The following TG variants were observed in gnomAD, a reference collection of about 807,000 sequenced individuals.
TG encodes thyroid hormones.
Under a neutral mutation model 324.7 loss-of-function variants are expected in TG, and 270 were observed. The ratio of observed to expected loss-of-function variants is 0.83; its 90% CI spans 0.75 to 0.92. TG has a LOEUF of 0.92. TG is among the 40% of genes least tolerant of loss of function. The pLI, the probability that TG is intolerant of heterozygous loss-of-function variation, is 0.00. For synonymous variants in TG, 1,401 were observed against 1,327.0 expected (o/e 1.06, Z -1.21); for missense variants, 3,591 against 3,456.4 (o/e 1.04, Z -0.98).
At chr8:132,887,607 CA>C in intron 9 of TG, 59 bp downstream of exon 9, 1 of 1,606,700 alleles carries the variant, frequency 6.2e-7, no homozygotes, top group South Asian at 1.1e-5. Context: ...GGCCCTGACC[CA>C]ATGCAGTACA....
intron 46 of TG, 124 bp downstream of exon 46, chr8:133,132,070 AC>A: frequency 5.7e-6 from 8 of 1,412,182 alleles, no homozygotes; most frequent in Non-Finnish European, 7.9e-6. Flanking sequence ...CACTATAATC[AC>A]CAGCCACTGG....
intron 35 of TG, among the ~76,000 whole-genome samples, chr8:132,985,566 A>G (rs1831410547): frequency 6.6e-6 from 1 of 152,228 alleles, no homozygotes; most frequent in African/African-American, 2.4e-5. Context: ...AGAGTAAATC[A>G]TTATTATGGC....
At chr8:133,087,341 G>A (rs1307230501) in intron 41 of TG, among the ~76,000 whole-genome samples, 1 of 152,270 alleles carries the variant, frequency 6.6e-6, no homozygotes, top group East Asian at 1.9e-4. Context: ...CCTTTTTCTA[G>A]AGTATGAAAA....
chr8:132,961,017 C>A lies in TG; in HGVS notation c.5411C>A (p.Pro1804His), dbSNP rs1291041050. ...GDQEFIKSLT[P>H]LEGTQDTFTN... The stretch of plus-strand genomic sequence containing the variant: ...ACATCTTCCTTTGCAGGTCTGACAC[C>A]CTTAGAAGGAACTCAAGACACCTTT... Residue 1804 changes from proline to histidine, a missense_variant, in exon 28 of 48, where the codon CCC (proline) becomes CAC (histidine). Pro to His is a moderately conservative substitution (Grantham distance 77). Transcript: ENST00000220616. The A allele has an allele frequency of 3.1e-6, 5 of 1,613,966 alleles. No homozygotes were observed. In the South Asian group the frequency reaches 4.4e-5, roughly 14 times the overall value.
chr8:132,963,100 C>A, intron 29 of TG, 26 bp downstream of exon 29: 1 of 1,608,814 alleles, frequency 6.2e-7, no homozygotes, highest in Non-Finnish European at 8.5e-7. Context: ...CCTTCTTACA[C>A]ACTTGGGTGT....
chr8:132,882,851 C>A lies in TG; in HGVS notation c.927C>A (p.Thr309=). The change falls in exon 8 of 48, where the codon ACC becomes ACA. Residue 309 remains threonine, a synonymous_variant. Transcript: ENST00000220616. ...TKCEVERFTA[T]SFGHPYVPSC... Reference sequence around the variant, plus strand: ...GTGAAGTGGAGCGGTTTACAGCAACCAGCTTTGGTCACCCCTATGTTCCAA... The same window carrying A: ...GTGAAGTGGAGCGGTTTACAGCAACAAGCTTTGGTCACCCCTATGTTCCAA... The A allele has an allele frequency of 6.2e-7, 1 of 1,614,174 alleles. No homozygotes were observed. Among genetic ancestry groups the A allele is most frequent in the Non-Finnish European group, 8.5e-7 (1 of 1,180,038 alleles).
At chr8:132,894,003 G>A (rs1437591851) in intron 11 of TG, 74 bp downstream of exon 11, 2 of 1,610,790 alleles carry the variant, frequency 1.2e-6, no homozygotes, top group African/African-American at 1.3e-5. Flanking sequence ...TCTCTCCTCA[G>A]TCATCCTTAG....
chr8:133,064,320 A>G (rs1842783097), intron 41 of TG: 1 of 152,272 alleles, frequency 6.6e-6, no homozygotes, highest in African/African-American at 2.4e-5. Flanking sequence ...AAGTCCTATT[A>G]GACAGAATCC....
chr8:132,940,457 A>G (rs1156920834), intron 25 of TG, among the ~76,000 whole-genome samples: 1 of 152,242 alleles, frequency 6.6e-6, no homozygotes, highest in Admixed American at 6.5e-5. Flanking sequence ...GGGAAACCCA[A>G]ACCGTGCCAC....
chr8:132,977,879 G>A (rs1396453755), intron 34 of TG, among the ~76,000 whole-genome samples: 1 of 152,214 alleles, frequency 6.6e-6, no homozygotes, highest in Admixed American at 6.5e-5. Flanking sequence ...TAGGAATTGA[G>A]ATTTATTGAG....
At chr8:133,129,183 A>G (rs1851767691) in intron 45 of TG, among the ~76,000 whole-genome samples, 1 of 152,214 alleles carries the variant, frequency 6.6e-6, no homozygotes, top group African/African-American at 2.4e-5. Flanking sequence ...GCATCCTGAT[A>G]GAGATCAGCT....
Position 132,899,136 on chromosome 8 carries a change from T to C in TG, c.3330+226T>C, listed in dbSNP as rs569134899. The stretch of plus-strand genomic sequence containing the variant: ...TTAATCATAAGATCAGGCCACATTT[T>C]GTCCTAGCTAATGCTAGGTTTGTTT... On this transcript the variant is annotated intron_variant, in intron 14 of 47. Transcript: ENST00000220616. The C allele has an allele frequency of 5.2e-6, 3 of 577,084 alleles. No homozygotes were observed. The South Asian group carries it at 6.0e-5, about 11-fold the overall frequency. The allele number at this position is 577,084 out of a possible 1,614,324, so 35.7% of individuals were successfully genotyped here.
intron 22 of TG, among the ~76,000 whole-genome samples, chr8:132,928,172 G>A (rs567816470): frequency 5.8e-4 from 88 of 152,216 alleles, no homozygotes; most frequent in African/African-American, 2.0e-3. Flanking sequence ...CACTTTGGAT[G>A]GCCTTGAATT....
At chr8:132,925,520 T>C (rs916098115) in intron 22 of TG, among the ~76,000 whole-genome samples, 8 of 149,776 alleles carry the variant, frequency 5.3e-5, no homozygotes, top group Non-Finnish European at 1.0e-4. Flanking sequence ...GGAGTGCGTG[T>C]GTGTGTGTGT....
chr8:132,938,579 A>C (rs1367387670), intron 25 of TG, among the ~76,000 whole-genome samples: 1 of 152,200 alleles, frequency 6.6e-6, no homozygotes, highest in African/African-American at 2.4e-5. Flanking sequence ...TACATCTGTG[A>C]GCAAAACAGA....
chr8:133,039,069 G>A (rs996554411), intron 41 of TG, among the ~76,000 whole-genome samples: 2 of 152,088 alleles, frequency 1.3e-5, no homozygotes, highest in African/African-American at 2.4e-5. Context: ...AGTAGAGACA[G>A]GGTTTCACCA....
chr8:132,958,860 C>A (rs577058018), intron 27 of TG, among the ~76,000 whole-genome samples: 2 of 152,270 alleles, frequency 1.3e-5, no homozygotes, highest in Admixed American at 1.3e-4. Flanking sequence ...ACCACTGGTT[C>A]TGTGTTGTTG....
At chr8:133,102,534 A>T in intron 43 of TG, 2 of 1,551,418 alleles carry the variant, frequency 1.3e-6, no homozygotes, top group South Asian at 2.4e-5. Context: ...TCCCAATGAC[A>T]GCAAAGTTAG....
intron 26 of TG, among the ~76,000 whole-genome samples, chr8:132,944,900 G>A (rs936083886): frequency 3.3e-5 from 5 of 152,218 alleles, no homozygotes; most frequent in Non-Finnish European, 7.3e-5. Context: ...CATATGCAAA[G>A]TCCCTGTGGG....
Sources: gnomAD v4.1 joint callset for allele counts (sites outside exome capture counted in the v4.1 genomes callset) on GRCh38, gnomAD v4.1.1 for gene constraint, MANE v1.5 for transcripts, NCBI Gene and HGNC (gene_info 2026-07-23, HGNC 2026-07-21) for gene names.